Variants in CAPN2 observed in about 807,000 individuals in gnomAD.
CAPN2 encodes the protein calpain 2.
In CAPN2, 92 loss-of-function variants were observed where a neutral mutation model predicts 102.3. The ratio of observed to expected loss-of-function variants is 0.90; its 90% confidence interval spans 0.76 to 1.07. CAPN2 has a LOEUF of 1.07. CAPN2 is among the 50% of genes least tolerant of loss of function. CAPN2 has a pLI of 0.00. For synonymous variants in CAPN2, 340 were observed against 355.4 expected (o/e 0.96, Z 0.49); for missense variants, 800 against 909.4 (o/e 0.88, Z 1.55).
intron 2 of CAPN2, among the ~76,000 whole-genome samples, chr1:223,721,264 C>G (rs542452297): frequency 6.6e-6 from 1 of 152,302 alleles, no homozygotes; most frequent in East Asian, 1.9e-4. Context: ...ACTGGCTGAC[C>G]CTGCAGCTAA....
chr1:223,735,443 G>C lies in CAPN2; in HGVS notation c.308-8657G>C, dbSNP rs1369709627. The stretch of plus-strand genomic sequence containing the variant: ...CTCAGGAGGCTGAGGCAGGAGAATT[G>C]CTTGAACCCAGGAAGCAGAGGTTGC... On this transcript the variant is annotated intron_variant, in intron 2 of 20. Coordinates refer to ENST00000295006, the MANE Select transcript of CAPN2 (RefSeq NM_001748.5). 2.0e-5 allele frequency among the ~76,000 whole-genome samples: 3 copies of C among 151,528 alleles called. No homozygotes were observed. In the East Asian group the frequency reaches 5.9e-4, roughly 30 times the overall value.
At chr1:223,747,247 T>C (rs1660772359) in intron 5 of CAPN2, 82 bp downstream of exon 5, 3 of 1,384,718 alleles carry the variant, frequency 2.2e-6, no homozygotes, top group Non-Finnish European at 3.0e-6. Context: ...GGGAACCCAC[T>C]GCTCCTGTGT....
rs1558079800 is a variant in CAPN2, at chr1:223,769,883, C to T, written c.1798C>T (p.Leu600Phe). The change falls in exon 17 of 21, where the codon CTC (leucine) becomes TTC (phenylalanine). Residue 600 changes from leucine to phenylalanine, a missense_variant. Transcript: ENST00000295006. ...GKLGLKEFYILWTKIQKYQKI... is the reference protein window; with the variant it reads ...GKLGLKEFYIFWTKIQKYQKI... ...GCTGGGGCTGAAGGAGTTCTACATTCTCTGGACGAAGATTCAAAAATACCA... is the reference window on the plus strand; with the variant it reads ...GCTGGGGCTGAAGGAGTTCTACATTTTCTGGACGAAGATTCAAAAATACCA... 4 of 1,607,198 alleles carry T rather than the reference C, an allele frequency of 2.5e-6. No individual in the cohort carries two copies. Among genetic ancestry groups the T allele is most frequent in the Non-Finnish European group, 3.4e-6 (4 of 1,176,578 alleles).
intron 4 of CAPN2, among the ~76,000 whole-genome samples, chr1:223,746,099 C>T (rs928059944): frequency 1.3e-5 from 2 of 152,270 alleles, no homozygotes; most frequent in East Asian, 1.9e-4. Flanking sequence ...CCGCCCGGCT[C>T]CTTCCATTAA....
At chr1:223,770,272 C>T (rs1661438850) in intron 17 of CAPN2, 175 bp from the exon 18 acceptor site, 1 of 607,786 alleles carries the variant, frequency 1.6e-6, no homozygotes, top group Admixed American at 3.0e-5. Context: ...AACCAGCTCA[C>T]AGACAGAAGC....
chr1:223,722,423 G>C (rs1660077014), intron 2 of CAPN2, among the ~76,000 whole-genome samples: 1 of 150,494 alleles, frequency 6.6e-6, no homozygotes, highest in East Asian at 2.0e-4. Flanking sequence ...AAGTAGCCAG[G>C]ACTACAGGCA....
At chr1:223,742,506 A>G (rs1660644237) in intron 2 of CAPN2, among the ~76,000 whole-genome samples, 2 of 116,412 alleles carry the variant, frequency 1.7e-5, no homozygotes, top group Non-Finnish European at 3.3e-5. Flanking sequence ...GTGTATATAT[A>G]TATATATATA....
chr1:223,741,807 C>T (rs1049591339), intron 2 of CAPN2, among the ~76,000 whole-genome samples: 4 of 149,746 alleles, frequency 2.7e-5, no homozygotes, highest in East Asian at 2.0e-4. Context: ...CACAGAGTCT[C>T]ACTCTGTTGC....
intron 1 of CAPN2, among the ~76,000 whole-genome samples, chr1:223,717,009 G>T (rs1659892851): frequency 6.6e-6 from 1 of 152,098 alleles, no homozygotes; most frequent in South Asian, 2.1e-4. Flanking sequence ...TCACCTTTTT[G>T]AGCTGTTTCC....
At position 223,750,992 on chromosome 1, in the gene CAPN2, C is replaced by T. The variant is rs1213797091; in HGVS notation, c.899+17C>T. 98 of 1,549,176 alleles carry T rather than the reference C, an allele frequency of 6.3e-5. No individual in the cohort carries two copies. The highest frequency in any genetic ancestry group is 8.4e-5 in the Non-Finnish European group (96 of 1,144,768). ...GAATGACAAGTGAGGAGGGCGCAGG[C>T]CTCGGGGCCCCAGGCGGGGGTGCAT... On this transcript the variant is annotated intron_variant, in intron 7 of 20. Transcript: ENST00000295006.
At chr1:223,712,451 C>G, upstream of CAPN2, 1 of 1,128,330 alleles carries the variant, frequency 8.9e-7, no homozygotes, top group Non-Finnish European at 1.1e-6. Flanking sequence ...GGGCCGGGAG[C>G]CCAGCAGGCC....
Position 223,754,377 on chromosome 1 carries a change from C to T in CAPN2, c.1136-1103C>T, listed in dbSNP as rs766487560. On this transcript the variant is annotated intron_variant, in intron 9 of 20. Transcript: ENST00000295006. This position sits in a 1 kb window ranked among gnomAD's most constrained non-coding sequence, Gnocchi z 4.7. The stretch of plus-strand genomic sequence containing the variant: ...CCCTCCTACCCACTAGATCAGGAGT[C>T]GGAAAACTCCCTCTAAAGGGTCAGA... Among the ~76,000 whole-genome samples the T allele has an allele frequency of 3.9e-5, 6 of 152,202 alleles. No homozygotes were observed. Among genetic ancestry groups the T allele is most frequent in the Admixed American group, 1.3e-4 (2 of 15,290 alleles).
intron 2 of CAPN2, among the ~76,000 whole-genome samples, chr1:223,739,827 G>A (rs184097008): frequency 2.6e-5 from 4 of 152,300 alleles, no homozygotes; most frequent in Admixed American, 2.0e-4. Flanking sequence ...GGCTTTCCTG[G>A]AGCTAAAAAC....
rs183517050 is a variant in CAPN2, at chr1:223,769,213, A to T, written c.1756-628A>T. 1.9e-4 allele frequency among the ~76,000 whole-genome samples: 29 copies of T among 152,214 alleles called. No homozygotes were observed. The East Asian group carries it at 5.2e-3, about 27-fold the overall frequency. On this transcript the variant is annotated intron_variant, in intron 16 of 20. Transcript: ENST00000295006. ...CAGCTCACTCGAACCTCCGCCTCCCAGGTTCAGGTGATTCTCCCCCCTCCA... is the reference window on the plus strand; with the variant it reads ...CAGCTCACTCGAACCTCCGCCTCCCTGGTTCAGGTGATTCTCCCCCCTCCA...
At chr1:223,770,192 A>AAG in intron 17 of CAPN2, 1 of 579,420 alleles carries the variant, frequency 1.7e-6, no homozygotes, top group Non-Finnish European at 3.1e-6. Flanking sequence ...CAGCTAAAGT[A>AAG]CAAAAATTAT....
intron 11 of CAPN2, chr1:223,758,881 CAG>C (rs1408595386): frequency 1.1e-5 from 3 of 265,916 alleles, no homozygotes; most frequent in South Asian, 4.3e-5. Flanking sequence ...TTTGCAGAGA[CAG>C]GGGTCTCACT....
rs1556780 is a variant in CAPN2, at chr1:223,755,834, C to G, written c.1305+185C>G. Among the ~76,000 whole-genome samples, 18,931 of 152,248 alleles carry G rather than the reference C, an allele frequency of 0.12. 3,013 individuals are homozygous for G. Among genetic ancestry groups the G allele is most frequent in the African/African-American group, 0.36 (14,823 of 41,514 alleles). ...CCCCGTAGGGAGGCCCCTGCAGTGG[C>G]TCTGGGTTGTGGGGCCTTCTAAGCC... On this transcript the variant is annotated intron_variant, in intron 10 of 20. Coordinates refer to ENST00000295006, the MANE Select transcript of CAPN2 (RefSeq NM_001748.5). This position sits in a 1 kb window ranked among gnomAD's most constrained non-coding sequence, Gnocchi z 4.1.
chr1:223,712,489 G>A (rs1203246847), upstream of CAPN2: 1 of 1,185,626 alleles, frequency 8.4e-7, no homozygotes, highest in Non-Finnish European at 1.0e-6. Context: ...CACCCCGCGG[G>A]CCGGGCCGCT....
At chr1:223,716,925 C>T (rs1227661632) in intron 1 of CAPN2, among the ~76,000 whole-genome samples, 2 of 152,068 alleles carry the variant, frequency 1.3e-5, no homozygotes, top group African/African-American at 4.8e-5. Flanking sequence ...AAAGAGTTGG[C>T]GCATTTGATC....
Sources: allele counts gnomAD v4.1 joint callset (sites outside exome capture counted in the v4.1 genomes callset), GRCh38; gene constraint gnomAD v4.1.1; non-coding constraint Gnocchi (gnomAD v3.1); transcripts MANE v1.5; gene names NCBI Gene and HGNC (gene_info 2026-07-23, HGNC 2026-07-21).